The following ZNF346 variants were observed in gnomAD, a reference collection of about 807,000 sequenced individuals.
The protein encoded by ZNF346 is double-stranded RNA-binding zinc finger protein JAZ.
ZNF346 carries 23 observed loss-of-function variants against 33.7 expected under a neutral mutation model. The observed-to-expected ratio is 0.68, with a 90% CI of 0.49 to 0.97. ZNF346 has a LOEUF of 0.97. Ranked by LOEUF, ZNF346 falls within the 50% of genes least tolerant of loss-of-function variation. ZNF346 has a pLI of 0.00. For synonymous variants in ZNF346, 134 were observed against 142.4 expected, an observed-to-expected ratio of 0.94 and a Z score of 0.42; for missense variants, 340 against 371.1, an observed-to-expected ratio of 0.92 and a Z score of 0.69.
Position 177,044,479 on chromosome 5 carries a change from G to T in ZNF346, c.463G>T (p.Gly155Trp), listed in dbSNP as rs976312742. ...SPVVAQSHYL[G>W]KTHAKNLKLK... The stretch of plus-strand genomic sequence containing the variant: ...TGTCGTGGCCCAGTCGCACTACCTG[G>T]GGAAGACCCACGCAAAGAACTTAAA... The change falls in exon 4 of 7, where the codon GGG becomes TGG. Residue 155 changes from glycine (G) to tryptophan (W), a missense_variant. Transcript: ENST00000358149. 6.2e-7 allele frequency: 1 copy of T among 1,613,892 alleles called. No individual in the cohort carries two copies. The highest frequency in any genetic ancestry group is 2.2e-5 in the East Asian group (1 of 44,888).
intron 5 of ZNF346, among the ~76,000 whole-genome samples, chr5:177,060,926 C>T (rs1174162868): frequency 6.6e-6 from 1 of 151,318 alleles, no homozygotes; most frequent in African/African-American, 2.4e-5. Flanking sequence ...CTGGCTAACA[C>T]AGTGAAACCC....
intron 5 of ZNF346, among the ~76,000 whole-genome samples, chr5:177,060,985 G>A (rs576074202): frequency 2.0e-5 from 3 of 151,904 alleles, no homozygotes; most frequent in African/African-American, 7.2e-5. Context: ...GGTGGCAGGC[G>A]CCTGTAGTCC....
intron 1 of ZNF346, among the ~76,000 whole-genome samples, chr5:177,029,895 C>T (rs1195804907): frequency 2.0e-5 from 3 of 152,160 alleles, no homozygotes; most frequent in African/African-American, 7.2e-5. Context: ...AAGTAGGGCT[C>T]AGTCTTGTAG....
At chr5:177,038,181 T>C (rs1357350901) in intron 1 of ZNF346, among the ~76,000 whole-genome samples, 1 of 151,598 alleles carries the variant, frequency 6.6e-6, no homozygotes, top group Non-Finnish European at 1.5e-5. Context: ...TTCAAACTTC[T>C]AGGCTCAAGG....
chr5:177,047,023 T>A (rs905607723), intron 4 of ZNF346, among the ~76,000 whole-genome samples: 4 of 135,614 alleles, frequency 2.9e-5, no homozygotes, highest in African/African-American at 1.2e-4. Flanking sequence ...AAAATTTTTT[T>A]ATTTATTTTT....
intron 4 of ZNF346, among the ~76,000 whole-genome samples, chr5:177,047,497 C>T (rs114629598): frequency 0.062 from 9,424 of 151,936 alleles, 389 homozygotes; most frequent in Non-Finnish European, 0.087. Context: ...CACCACCATA[C>T]CCGGCTAATG....
At chr5:177,056,171 G>C (rs1226558303) in intron 5 of ZNF346, among the ~76,000 whole-genome samples, 5 of 151,758 alleles carry the variant, frequency 3.3e-5, no homozygotes, top group Non-Finnish European at 5.9e-5. Context: ...CTTGAACCTG[G>C]TTGCAGTGAG....
At chr5:177,040,164 G>C (rs1779145329) in intron 1 of ZNF346, among the ~76,000 whole-genome samples, 1 of 144,426 alleles carries the variant, frequency 6.9e-6, no homozygotes, top group Admixed American at 6.9e-5. Flanking sequence ...CTGGGTGACA[G>C]AGCGAGACTC....
intron 5 of ZNF346, among the ~76,000 whole-genome samples, chr5:177,061,732 A>C (rs1282547089): frequency 6.6e-6 from 1 of 152,234 alleles, no homozygotes; most frequent in Non-Finnish European, 1.5e-5. Context: ...TAATGAGGCC[A>C]CTTAGCACAG....
At position 177,066,061 on chromosome 5, in the gene ZNF346, C is replaced by T. The variant is rs1783137607; in HGVS notation, c.*1462C>T. The stretch of plus-strand genomic sequence containing the variant: ...ACCCCTCACCCCCACCCCATTCAGA[C>T]CTCAGTAGTCCCCAGTAGTCACTTT... On this transcript the variant is annotated 3_prime_UTR_variant, in exon 7 of 7. Coordinates refer to ENST00000358149, the MANE Select transcript of ZNF346 (RefSeq NM_012279.4). 3 of 146,452 alleles carry T rather than the reference C, an allele frequency of 2.0e-5. No individual in the cohort carries two copies. The highest frequency in any genetic ancestry group is 7.0e-5 in the Admixed American group (1 of 14,330). The allele number at this position is 146,452 out of a possible 1,614,324, so 9.1% of individuals were successfully genotyped here.
chr5:177,055,512 A>G (rs10044559), intron 5 of ZNF346, among the ~76,000 whole-genome samples: 21,312 of 152,042 alleles, frequency 0.14, 3,152 homozygotes, highest in African/African-American at 0.37. Flanking sequence ...AGAAAGACCT[A>G]GTAGGAGAAA....
Position 177,077,151 on chromosome 5 carries a change from T to A in ZNF346, c.*3-2231T>A, listed in dbSNP as rs1364871618. 6.6e-6 allele frequency among the ~76,000 whole-genome samples: 1 copy of A among 152,240 alleles called. No homozygotes were observed. Among genetic ancestry groups the A allele is most frequent in the East Asian group, 1.9e-4 (1 of 5,198 alleles). On this transcript the variant is annotated intron_variant, in intron 8 of 8. Coordinates refer to the ZNF346 transcript ENST00000503039. The surrounding 1 kb of genome is among the most constrained non-coding windows in gnomAD (Gnocchi z 5.0). ...AGTCGTTAAGTTTAAAAGTAATGTG[T>A]TATGAAGCAATGGATAACTAATACA...
downstream of ZNF346, among the ~76,000 whole-genome samples, chr5:177,068,871 A>G (rs1253154189): frequency 7.0e-6 from 1 of 143,364 alleles, no homozygotes; most frequent in Non-Finnish European, 1.5e-5. Context: ...GAGGTACACC[A>G]TACATTCAGT....
At chr5:177,060,497 T>C (rs1782358303) in intron 5 of ZNF346, among the ~76,000 whole-genome samples, 1 of 148,488 alleles carries the variant, frequency 6.7e-6, no homozygotes, top group Non-Finnish European at 1.5e-5. Context: ...AGAATGAGAC[T>C]CCATCTCAAA....
chr5:177,069,961 C>T (rs773933557), downstream of ZNF346, among the ~76,000 whole-genome samples: 46 of 152,278 alleles, frequency 3.0e-4, no homozygotes, highest in Admixed American at 7.8e-4. Context: ...CAAGCCTGGC[C>T]CAGCCATCCT....
Position 177,060,973 on chromosome 5 carries a change from G to T in ZNF346, c.704-1085G>T, listed in dbSNP as rs557598739. 2.6e-5 allele frequency among the ~76,000 whole-genome samples: 4 copies of T among 152,226 alleles called. No individual in the cohort carries two copies. In the South Asian group the frequency reaches 8.3e-4, roughly 32 times the overall value. ...AAAATACAAAAAAAATTAGCTAGGT[G>T]TGGTGGCAGGCGCCTGTAGTCCCAG... On this transcript the variant is annotated intron_variant, in intron 5 of 6. Transcript: ENST00000358149.
chr5:177,065,226 T>A lies in ZNF346; in HGVS notation c.*627T>A, dbSNP rs1023940273. On this transcript the variant is annotated 3_prime_UTR_variant, in exon 7 of 7. Coordinates refer to ENST00000358149, the MANE Select transcript of ZNF346 (RefSeq NM_012279.4). ...GAGCATTGCTACCCCCGCTGCCCCC[T>A]CCACAGTTCCTGAATGGTGCTAAGG... 6.5e-6 allele frequency: 1 copy of A among 153,630 alleles called. No homozygotes were observed. Among genetic ancestry groups the A allele is most frequent in the African/African-American group, 2.4e-5 (1 of 41,564 alleles). 9.5% of individuals were successfully genotyped at this position (153,630 alleles called of 1,614,324 possible).
intron 5 of ZNF346, among the ~76,000 whole-genome samples, chr5:177,056,429 C>T (rs1286585116): frequency 6.6e-6 from 1 of 151,944 alleles, no homozygotes; most frequent in Non-Finnish European, 1.5e-5. Flanking sequence ...GGGTATATAC[C>T]CAAAGGATTA....
downstream of ZNF346, among the ~76,000 whole-genome samples, chr5:177,072,571 C>T (rs553583717): frequency 2.4e-4 from 37 of 152,212 alleles, no homozygotes; most frequent in South Asian, 5.8e-3. Context: ...CAGAGGAGGC[C>T]GGGCTCGGTG....
Sources: allele counts gnomAD v4.1 joint callset (sites outside exome capture counted in the v4.1 genomes callset), GRCh38; gene constraint gnomAD v4.1.1; non-coding constraint Gnocchi (gnomAD v3.1); transcripts MANE v1.5; gene names NCBI Gene and HGNC (gene_info 2026-07-23, HGNC 2026-07-21).